GLRA2: variants seen among roughly 807,000 people sequenced by gnomAD.
GLRA2 encodes the protein glycine receptor subunit alpha-2.
GLRA2 carries 11 observed loss-of-function variants against 31.6 expected under a neutral mutation model. The ratio of observed to expected loss-of-function variants is 0.35; its 90% CI spans 0.22 to 0.58. The LOEUF (loss-of-function observed/expected upper bound fraction) is 0.58. Among genes scored for constraint, GLRA2 ranks in the 20% least tolerant of loss-of-function variants. The pLI is 0.84. For synonymous variants in GLRA2, 132 were observed against 134.0 expected, an observed-to-expected ratio of 0.99 and a Z score of 0.10; for missense variants, 212 against 351.8, an observed-to-expected ratio of 0.60 and a Z score of 3.18.
chrX:14,713,934 A>T (rs1324027801), intron 8 of GLRA2, among the ~76,000 whole-genome samples: 1 of 111,494 alleles, frequency 9.0e-6, no homozygotes, highest in East Asian at 2.8e-4. Flanking sequence ...TATTGTTGGG[A>T]GGACAGGTCT....
intron 8 of GLRA2, among the ~76,000 whole-genome samples, chrX:14,696,732 T>C (rs1257854036): frequency 8.9e-6 from 1 of 111,779 alleles, no homozygotes; most frequent in East Asian, 2.8e-4. Context: ...GAAAAAGATA[T>C]GGTTTGGGCA....
At chrX:14,707,782 G>A (rs772077610) in intron 8 of GLRA2, among the ~76,000 whole-genome samples, 23 of 110,154 alleles carry the variant, frequency 2.1e-4, no homozygotes, top group African/African-American at 5.3e-4. Flanking sequence ...GTGCACGCGC[G>A]CGTGTTGCAT....
At chrX:14,560,943 A>C (rs1163790141) in intron 2 of GLRA2, among the ~76,000 whole-genome samples, 1 of 111,538 alleles carries the variant, frequency 9.0e-6, no homozygotes, top group African/African-American at 3.3e-5. Context: ...TGAATAATAG[A>C]AAACATTTTT....
chrX:14,462,289 T>TC, the GLRA2 span, among the ~76,000 whole-genome samples: 1 of 111,258 alleles, frequency 9.0e-6, no homozygotes, highest in African/African-American at 3.3e-5. Flanking sequence ...CATTTTTTTT[T>TC]CCTTCATTTC....
intron 7 of GLRA2, among the ~76,000 whole-genome samples, chrX:14,610,649 A>C (rs1257025906): frequency 8.9e-6 from 1 of 111,856 alleles, no homozygotes; most frequent in Non-Finnish European, 1.9e-5. Flanking sequence ...ACTGCATGCC[A>C]TGGCATTAAA....
chrX:14,688,588 G>A (rs2091306356), intron 7 of GLRA2, among the ~76,000 whole-genome samples: 1 of 111,487 alleles, frequency 9.0e-6, no homozygotes, highest in African/African-American at 3.3e-5. Flanking sequence ...GTGGGTGTGG[G>A]ACCCTCCGAG....
chrX:14,673,514 TC>T (rs750749879), intron 7 of GLRA2, among the ~76,000 whole-genome samples: 1 of 111,515 alleles, frequency 9.0e-6, no homozygotes, highest in South Asian at 3.8e-4. Context: ...GGCCACTGCT[TC>T]CTTCCTGATT....
At chrX:14,508,345 G>A in the GLRA2 span, among the ~76,000 whole-genome samples, 5 of 112,100 alleles carry the variant, frequency 4.5e-5, no homozygotes, top group South Asian at 3.7e-4. Context: ...GAAAGAAAAC[G>A]TTAAAATTTT....
chrX:14,634,775 C>T (rs899674309), intron 7 of GLRA2, among the ~76,000 whole-genome samples: 1 of 111,680 alleles, frequency 9.0e-6, no homozygotes, highest in Non-Finnish European at 1.9e-5. Context: ...ATGTTCATTC[C>T]TTATATTAGC....
At chrX:14,464,854 C>T in the GLRA2 span, among the ~76,000 whole-genome samples, 1 of 112,211 alleles carries the variant, frequency 8.9e-6, no homozygotes, top group Admixed American at 9.5e-5. Flanking sequence ...CGCGCCCAGC[C>T]TATGTGTCTA....
chrX:14,477,094 C>T, the GLRA2 span, among the ~76,000 whole-genome samples: 32 of 111,348 alleles, frequency 2.9e-4, no homozygotes, highest in Non-Finnish European at 4.5e-4. Flanking sequence ...AGCTGATTAA[C>T]GCCTTGAGTG....
chrX:14,536,763 G>A (rs1315448182), intron 2 of GLRA2, among the ~76,000 whole-genome samples: 1 of 110,517 alleles, frequency 9.0e-6, no homozygotes, highest in Non-Finnish European at 1.9e-5. Context: ...TGGCTGAGAT[G>A]AAAAAAAGCC....
chrX:14,727,073 T>TATAGA (rs2147268686), intron 8 of GLRA2, among the ~76,000 whole-genome samples: 1 of 111,956 alleles, frequency 8.9e-6, no homozygotes, highest in South Asian at 3.7e-4. Context: ...GACTTAAAAA[T>TATAGA]ATAGAATAGG....
At chrX:14,596,212 A>C (rs2090201376) in intron 4 of GLRA2, among the ~76,000 whole-genome samples, 1 of 111,428 alleles carries the variant, frequency 9.0e-6, no homozygotes, top group South Asian at 3.8e-4. Context: ...CAGTAATCTG[A>C]TATGCTGCCA....
chrX:14,699,215 C>G (rs1376619391), intron 8 of GLRA2, among the ~76,000 whole-genome samples: 1 of 112,070 alleles, frequency 8.9e-6, no homozygotes, highest in Admixed American at 9.4e-5. Flanking sequence ...GTTATAACAA[C>G]TTCTCTACAA....
chrX:14,587,026 T>G (rs1196352262), intron 4 of GLRA2, among the ~76,000 whole-genome samples: 6 of 111,908 alleles, frequency 5.4e-5, no homozygotes, highest in African/African-American at 9.7e-5. Flanking sequence ...TTAACTTCTG[T>G]TTCAGTGCTG....
At chrX:14,685,989 C>T (rs1238874311) in intron 7 of GLRA2, among the ~76,000 whole-genome samples, 1 of 111,797 alleles carries the variant, frequency 8.9e-6, no homozygotes, top group Non-Finnish European at 1.9e-5. Context: ...TTAAATGTGT[C>T]CCAGAGATTC....
In GLRA2 at chrX:14,529,919, CA is replaced by C; in HGVS notation, c.-135del. ...TTTTCTTTTTTCTCAGCAAACTGTA[CA>C]AAACCAAATCTCTTTTTGATTTTCA... On this transcript the variant is annotated 5_prime_UTR_variant, in exon 1 of 9. The change creates a premature stop within an existing upstream ORF in the 5' untranslated region. Transcript: ENST00000218075. 1 of 540,867 alleles carries C rather than the reference CA, an allele frequency of 1.8e-6. No homozygotes were observed. Among genetic ancestry groups the C allele is most frequent in the East Asian group, 3.6e-5 (1 of 28,129 alleles). 44.6% of individuals were successfully genotyped at this position (540,867 alleles called of 1,213,427 possible). A position where few individuals can be genotyped will look rare whatever the true frequency, so the allele number is the denominator to read the frequency against.
chrX:14,564,858 A>C (rs1158252545), intron 2 of GLRA2, among the ~76,000 whole-genome samples: 1 of 111,651 alleles, frequency 9.0e-6, no homozygotes, highest in Non-Finnish European at 1.9e-5. Context: ...CTAGGTTGTT[A>C]AATGTAATTC....
Sources: allele counts gnomAD v4.1 joint callset (sites outside exome capture counted in the v4.1 genomes callset), GRCh38; gene constraint gnomAD v4.1.1; transcripts MANE v1.5; gene names NCBI Gene and HGNC (gene_info 2026-07-23, HGNC 2026-07-21).